The following VRK1 variants were observed in gnomAD, a reference collection of about 807,000 sequenced individuals.
VRK1 encodes serine/threonine-protein kinase VRK1.
VRK1 carries 33 observed loss-of-function variants against 57.1 expected under a neutral mutation model. That is an observed-to-expected ratio of 0.58 (90% CI 0.44 to 0.77). VRK1 has a LOEUF of 0.77. VRK1 is among the 30% of genes least tolerant of loss of function. The pLI, the probability that VRK1 is intolerant of heterozygous loss-of-function variation, is 0.00. For missense variants in VRK1, 413 were observed against 477.3 expected, an observed-to-expected ratio of 0.87 and a Z score of 1.25; for synonymous variants, 137 against 147.8, an observed-to-expected ratio of 0.93 and a Z score of 0.53.
intron 11 of VRK1, among the ~76,000 whole-genome samples, chr14:96,871,205 TG>T (rs1196872608): frequency 6.6e-6 from 1 of 152,234 alleles, no homozygotes; most frequent in African/African-American, 2.4e-5. Flanking sequence ...TTCCAAACTT[TG>T]TGTGCCATAT....
intron 3 of VRK1, among the ~76,000 whole-genome samples, chr14:96,838,411 T>G (rs1045398542): frequency 6.6e-6 from 1 of 152,158 alleles, no homozygotes; most frequent in Non-Finnish European, 1.5e-5. Context: ...CATTTTACCG[T>G]TTTTTAAGTC....
intron 10 of VRK1, among the ~76,000 whole-genome samples, chr14:96,859,277 G>C (rs1486458717): frequency 6.6e-6 from 1 of 152,024 alleles, no homozygotes. Flanking sequence ...GTTCTTTGTA[G>C]ATTCTGTAGG....
intron 11 of VRK1, among the ~76,000 whole-genome samples, chr14:96,862,921 A>G (rs943182923): frequency 1.1e-4 from 17 of 152,186 alleles, no homozygotes; most frequent in African/African-American, 4.1e-4. Context: ...GGAAAGGGGT[A>G]GGTTTAATCA....
intron 11 of VRK1, among the ~76,000 whole-genome samples, chr14:96,862,748 T>C (rs1888439962): frequency 6.6e-6 from 1 of 152,178 alleles, no homozygotes; most frequent in African/African-American, 2.4e-5. Flanking sequence ...AGATGTCTTT[T>C]TTTGCTCTGG....
At chr14:96,800,950 A>G (rs1885635857) in intron 1 of VRK1, among the ~76,000 whole-genome samples, 1 of 152,140 alleles carries the variant, frequency 6.6e-6, no homozygotes, top group Non-Finnish European at 1.5e-5. Context: ...ATGGAAGGAC[A>G]CGTGTCTTGT....
rs1363773610 is a variant in VRK1 at position 96,846,260 on chromosome 14, TTTG to T, written c.286+99_286+101del. The T allele has an allele frequency of 2.5e-6, 3 of 1,214,620 alleles. No individual in the cohort carries two copies. In the African/African-American group the frequency reaches 4.6e-5, roughly 19 times the overall value. 75.2% of individuals were successfully genotyped at this position (1,214,620 alleles called of 1,614,324 possible). ...AGCATTGTATCTTATTTTATGACTC[TTTG>T]TTATTTTTTTGCTTTATAAATTCCA... is the stretch of plus-strand genomic sequence containing the variant. On this transcript the variant is annotated intron_variant, in intron 4 of 12. Coordinates refer to ENST00000216639, the MANE Select transcript of VRK1 (RefSeq NM_003384.3).
chr14:96,840,970 C>T (rs1748383909), intron 3 of VRK1, among the ~76,000 whole-genome samples: 1 of 151,920 alleles, frequency 6.6e-6, no homozygotes, highest in African/African-American at 2.4e-5. Context: ...ATCCTCTCAC[C>T]TCAGCCTCTC....
chr14:96,833,289 T>A (rs1887080948), intron 1 of VRK1, among the ~76,000 whole-genome samples, 178 bp from the exon 2 acceptor site: 1 of 152,154 alleles, frequency 6.6e-6, no homozygotes, highest in Non-Finnish European at 1.5e-5. Flanking sequence ...TTCTCCAAAG[T>A]TAAGAGATAA....
intron 3 of VRK1, 35 bp downstream of exon 3, chr14:96,837,852 G>A: frequency 6.7e-7 from 1 of 1,500,148 alleles, no homozygotes; most frequent in Non-Finnish European, 9.0e-7. Context: ...TTTCTTTTCT[G>A]TTGATTTGGT....
rs531697689 is a variant in VRK1 at position 96,880,750 on chromosome 14, T to C, written c.1160-427T>C. 2.5e-4 allele frequency among the ~76,000 whole-genome samples: 38 copies of C among 152,314 alleles called. No homozygotes were observed. In the Middle Eastern group the frequency reaches 0.01, roughly 41 times the overall value. ...CTAATAGTCTTTAAAAAGCAACTTATTGCTTTGCTTTTCATAACATGTGTG... is the reference window on the plus strand; with the variant it reads ...CTAATAGTCTTTAAAAAGCAACTTACTGCTTTGCTTTTCATAACATGTGTG... On this transcript the variant is annotated intron_variant, in intron 12 of 12. Transcript: ENST00000216639.
At position 96,877,559 on chromosome 14, in the gene VRK1, G is replaced by C. The variant is rs143868953; in HGVS notation, c.1159+1439G>C. 1.2e-5 allele frequency: 16 copies of C among 1,289,528 alleles called. No homozygotes were observed. In the African/African-American group the frequency reaches 2.3e-4, roughly 18 times the overall value. The allele number at this position is 1,289,528 out of a possible 1,614,324, so 79.9% of individuals were successfully genotyped here. ...AGCATGTCTCAGCCAGAGGCTAGCAGCAGCAGCTATGACAGTGAGTGGGAA... is the reference window on the plus strand; with the variant it reads ...AGCATGTCTCAGCCAGAGGCTAGCACCAGCAGCTATGACAGTGAGTGGGAA... On this transcript the variant is annotated intron_variant, in intron 12 of 12. Coordinates refer to ENST00000216639, the MANE Select transcript of VRK1 (RefSeq NM_003384.3).
At chr14:96,872,967 C>T (rs552462616) in intron 11 of VRK1, among the ~76,000 whole-genome samples, 4 of 152,058 alleles carry the variant, frequency 2.6e-5, no homozygotes, top group Non-Finnish European at 5.9e-5. Context: ...TGTTCTATAG[C>T]ACATATGACA....
Position 96,808,002 on chromosome 14 carries a change from C to CCTCTCTCCGTCTCTCTCTCTCTCT in VRK1, c.-6+10562_-6+10563insCGTCTCTCTCTCTCTCTCTCTCTC, listed in dbSNP as rs149250994. Among the ~76,000 whole-genome samples, 30 of 118,216 alleles carry CCTCTCTCCGTCTCTCTCTCTCTCT rather than the reference C, an allele frequency of 2.5e-4. 1 individual carries two copies. The highest frequency in any genetic ancestry group is 3.5e-4 in the Non-Finnish European group (20 of 57,228). The allele number at this position is 118,216 out of a possible 152,430, so 77.6% of individuals were successfully genotyped here. ...GTCTCTCTCCCTCTCTCCCTCTCTC[C>CCTCTCTCCGTCTCTCTCTCTCTCT]CTCTCTCTCTCCCTCTGTGTGTGTG... is the stretch of plus-strand genomic sequence containing the variant. On this transcript the variant is annotated intron_variant, in intron 1 of 12. Transcript: ENST00000216639.
intron 3 of VRK1, among the ~76,000 whole-genome samples, chr14:96,843,518 A>G (rs1184334461): frequency 2.6e-5 from 4 of 152,214 alleles, no homozygotes; most frequent in Admixed American, 6.5e-5. Flanking sequence ...AATTTTGTAC[A>G]GCTTCATTTT....
At chr14:96,812,042 A>T (rs1886225803) in intron 1 of VRK1, among the ~76,000 whole-genome samples, 1 of 152,206 alleles carries the variant, frequency 6.6e-6, no homozygotes, top group Admixed American at 6.5e-5. Flanking sequence ...GAATCATATA[A>T]TATGTAGTGT....
chr14:96,857,006 C>T (rs1888188946), intron 10 of VRK1, among the ~76,000 whole-genome samples: 1 of 152,112 alleles, frequency 6.6e-6, no homozygotes, highest in South Asian at 2.1e-4. Flanking sequence ...TAAATGAATA[C>T]TTGAGCCTCA....
chr14:96,851,825 G>T (rs1887961447), intron 5 of VRK1, among the ~76,000 whole-genome samples: 1 of 152,164 alleles, frequency 6.6e-6, no homozygotes, highest in Non-Finnish European at 1.5e-5. Context: ...GTGATGTGAG[G>T]TTTAAATGCA....
At chr14:96,836,122 T>C (rs922848970) in intron 2 of VRK1, among the ~76,000 whole-genome samples, 5 of 152,216 alleles carry the variant, frequency 3.3e-5, no homozygotes, top group Non-Finnish European at 2.9e-5. Flanking sequence ...TATGATGCTT[T>C]AAAAATTTTT....
At chr14:96,833,662 C>T in intron 2 of VRK1, 31 bp downstream of exon 2, 1 of 1,612,872 alleles carries the variant, frequency 6.2e-7, no homozygotes, top group Non-Finnish European at 8.5e-7. Flanking sequence ...AATGATCAAT[C>T]CAAAGATTTA....
Sources: gnomAD v4.1 joint callset for allele counts (sites outside exome capture counted in the v4.1 genomes callset) on GRCh38, gnomAD v4.1.1 for gene constraint, MANE v1.5 for transcripts, NCBI Gene and HGNC (gene_info 2026-07-23, HGNC 2026-07-21) for gene names.